CEP126: variants seen among roughly 807,000 people sequenced by gnomAD.
The protein encoded by CEP126 is centrosomal protein of 126 kDa.
A neutral mutation model predicts 107.8 loss-of-function variants in CEP126; 74 were observed. The ratio of observed to expected loss-of-function variants is 0.69; its 90% confidence interval spans 0.57 to 0.83. The LOEUF is 0.83. CEP126 is among the 40% of genes least tolerant of loss of function. CEP126 has a pLI of 0.00. For missense variants in CEP126, 1,237 were observed against 1,281.9 expected, an observed-to-expected ratio of 0.96 and a Z score of 0.53; for synonymous variants, 449 against 446.0, an observed-to-expected ratio of 1.01 and a Z score of -0.08.
At position 101,915,363 on chromosome 11, in the gene CEP126, C is replaced by A; in HGVS notation, c.79C>A (p.Pro27Thr). 1 of 1,613,962 alleles carries A rather than the reference C, an allele frequency of 6.2e-7. No homozygotes were observed. The highest frequency in any genetic ancestry group is 8.5e-7 in the Non-Finnish European group (1 of 1,179,960). The change falls in exon 1 of 11, where the codon CCC (proline) becomes ACC (threonine). Residue 27 changes from proline (P) to threonine (T), a missense_variant. Coordinates refer to ENST00000263468, the MANE Select transcript of CEP126 (RefSeq NM_020802.4). ...TESSDNLDRAPLGPRESGGHH... is the reference protein window; with the variant it reads ...TESSDNLDRATLGPRESGGHH... ...ATCATCGGACAACCTCGACAGAGCCCCCCTCGGCCCTCGGGAGAGCGGCGG... is the reference window on the plus strand; with the variant it reads ...ATCATCGGACAACCTCGACAGAGCCACCCTCGGCCCTCGGGAGAGCGGCGG...
chr11:101,929,529 TGATA>T (rs1206150305), intron 2 of CEP126, among the ~76,000 whole-genome samples: 1 of 152,066 alleles, frequency 6.6e-6, no homozygotes, highest in Middle Eastern at 3.2e-3. Context: ...TGGTCTCCAT[TGATA>T]CCACAGTGGA....
At chr11:101,950,697 A>G (rs941660326) in intron 4 of CEP126, among the ~76,000 whole-genome samples, 22 of 152,218 alleles carry the variant, frequency 1.4e-4, no homozygotes, top group Non-Finnish European at 2.4e-4. Flanking sequence ...GTGCAGTGCT[A>G]CAGTGTTGTG....
rs1940708184 is a variant in CEP126, at chr11:101,944,372, A to G, written c.356A>G (p.Gln119Arg). The G allele has an allele frequency of 6.2e-7, 1 of 1,612,018 alleles. No homozygotes were observed. The highest frequency in any genetic ancestry group is 8.5e-7 in the Non-Finnish European group (1 of 1,179,258). The change falls in exon 3 of 11, where the codon CAG (glutamine) becomes CGG (arginine). Residue 119 changes from glutamine (Q) to arginine (R), a missense_variant. By Grantham distance (43) the Gln-to-Arg change is conservative. Transcript: ENST00000263468. Reference protein sequence around the residue: ...QKFEEVTEKFQRAHVPLSQRR... With the variant: ...QKFEEVTEKFRRAHVPLSQRR... ...TTTGAAGAAGTTACTGAAAAATTCC[A>G]GCGTGCCCATGTTCCTCTTTCACAG...
intron 9 of CEP126, among the ~76,000 whole-genome samples, chr11:101,992,171 A>C (rs1477381417): frequency 1.7e-5 from 1 of 58,888 alleles, no homozygotes; most frequent in Non-Finnish European, 4.2e-5. Context: ...AATAAAAAGC[A>C]GGGAGCTACA....
chr11:101,976,784 T>C (rs768714513), intron 6 of CEP126, among the ~76,000 whole-genome samples: 1 of 152,228 alleles, frequency 6.6e-6, no homozygotes, highest in Non-Finnish European at 1.5e-5. Flanking sequence ...AACTACTCTT[T>C]TAAGACCAAG....
At chr11:101,920,862 T>C (rs911287018) in intron 1 of CEP126, among the ~76,000 whole-genome samples, 1 of 152,136 alleles carries the variant, frequency 6.6e-6, no homozygotes, top group Non-Finnish European at 1.5e-5. Context: ...CACCTTGGCC[T>C]CCCAAATTGT....
rs749616687 is a variant in CEP126 at position 101,963,747 on chromosome 11, A to G, written c.2712A>G (p.Thr904=). The change falls in exon 6 of 11, where the codon ACA becomes ACG. Residue 904 remains threonine, a synonymous_variant. Coordinates refer to ENST00000263468, the MANE Select transcript of CEP126 (RefSeq NM_020802.4). The part of the protein sequence containing the change: ...GTQAVARQDA[T]LYCTQRSPVC... ...AAGCAGTTGCCCGGCAAGATGCGAC[A>G]TTATATTGCACCCAAAGAAGTCCTG... 9 of 1,614,022 alleles carry G rather than the reference A, an allele frequency of 5.6e-6. No individual in the cohort carries two copies. In the East Asian group the frequency reaches 1.3e-4, roughly 24 times the overall value.
intron 5 of CEP126, among the ~76,000 whole-genome samples, chr11:101,958,758 T>C (rs1940933988): frequency 6.6e-6 from 1 of 152,196 alleles, no homozygotes; most frequent in African/African-American, 2.4e-5. Flanking sequence ...TACATGTCCA[T>C]CCATGTACTT....
chr11:101,985,988 ATTTCTTTT>A (rs1278957459), intron 8 of CEP126, among the ~76,000 whole-genome samples: 1,389 of 126,474 alleles, frequency 0.011, 27 homozygotes, highest in African/African-American at 0.039. Flanking sequence ...CTCTGAATTG[ATTTCTTTT>A]TTTTTTTTTT....
At chr11:101,936,497 A>G (rs1940581308) in intron 2 of CEP126, among the ~76,000 whole-genome samples, 1 of 152,150 alleles carries the variant, frequency 6.6e-6, no homozygotes, top group African/African-American at 2.4e-5. Context: ...TTATATAATT[A>G]TGTCGTCTGC....
At chr11:101,995,485 C>T (rs975810) in intron 10 of CEP126, among the ~76,000 whole-genome samples, 57,987 of 151,858 alleles carry the variant, frequency 0.38, 11,282 homozygotes, top group East Asian at 0.51. Flanking sequence ...AAATGGGAAG[C>T]GAAGGATGAG....
At chr11:101,950,588 AC>A (rs2090718597) in intron 4 of CEP126, among the ~76,000 whole-genome samples, 1 of 152,230 alleles carries the variant, frequency 6.6e-6, no homozygotes, top group African/African-American at 2.4e-5. Context: ...TTACAGAAAT[AC>A]TAGCAAAGTA....
chr11:101,950,676 GT>G (rs139191642), intron 4 of CEP126, among the ~76,000 whole-genome samples: 2,698 of 152,294 alleles, frequency 0.018, 40 homozygotes, highest in Non-Finnish European at 0.023. Context: ...CATGTGTTGG[GT>G]TTTAGGCATG....
At chr11:101,915,720 T>G (rs893269277) in intron 1 of CEP126, among the ~76,000 whole-genome samples, 16 of 152,226 alleles carry the variant, frequency 1.1e-4, no homozygotes, top group African/African-American at 3.9e-4. Flanking sequence ...TGCCATTATG[T>G]TCTTTACTTA....
chr11:101,920,700 A>C (rs1037709921), intron 1 of CEP126, among the ~76,000 whole-genome samples: 11 of 151,876 alleles, frequency 7.2e-5, no homozygotes, highest in African/African-American at 2.7e-4. Context: ...ACCCCCTCCA[A>C]GCTCAAGCGA....
At chr11:101,949,049 G>A (rs565298318) in intron 4 of CEP126, among the ~76,000 whole-genome samples, 92 of 152,274 alleles carry the variant, frequency 6.0e-4, no homozygotes, top group Non-Finnish European at 1.0e-3. Context: ...GAATTCTTCA[G>A]CAAAGCTTTG....
intron 9 of CEP126, among the ~76,000 whole-genome samples, chr11:101,989,731 G>A (rs560334258): frequency 3.5e-4 from 53 of 152,172 alleles, no homozygotes; most frequent in African/African-American, 1.1e-3. Flanking sequence ...AGGCCGAGGC[G>A]GGCGGATCAC....
Position 101,948,130 on chromosome 11 carries a change from C to A in CEP126, c.494C>A (p.Thr165Lys), listed in dbSNP as rs1256447910. 3 of 1,589,790 alleles carry A rather than the reference C, an allele frequency of 1.9e-6. No homozygotes were observed. The highest frequency in any genetic ancestry group is 1.7e-5 in the Admixed American group (1 of 59,672). ...EVNLPFSRRP[T>K]INWRAIDSAL... ...AACCTTCCCTTTTCCCGTAGACCAA[C>A]AATAAACTGGAGGTAAGTAATTTAT... Residue 165 changes from threonine (T) to lysine (K), a missense_variant, in exon 4 of 11, where the codon ACA becomes AAA. Coordinates refer to ENST00000263468, the MANE Select transcript of CEP126 (RefSeq NM_020802.4).
At chr11:101,924,329 T>G (rs1011353445) in intron 2 of CEP126, among the ~76,000 whole-genome samples, 3 of 152,200 alleles carry the variant, frequency 2.0e-5, no homozygotes, top group African/African-American at 7.2e-5. Context: ...ATTATGGTCT[T>G]CTTAACCATG....
Sources: gnomAD v4.1 joint callset for allele counts (sites outside exome capture counted in the v4.1 genomes callset) on GRCh38, gnomAD v4.1.1 for gene constraint, MANE v1.5 for transcripts, NCBI Gene and HGNC (gene_info 2026-07-23, HGNC 2026-07-21) for gene names.